The following TRIM44 variants were observed in gnomAD, a reference collection of about 807,000 sequenced individuals.
TRIM44 encodes tripartite motif containing 44.
In TRIM44, 13 loss-of-function variants were observed where a neutral mutation model predicts 37.4. The observed-to-expected ratio is 0.35, with a 90% CI of 0.23 to 0.55. The LOEUF (loss-of-function observed/expected upper bound fraction) is 0.55, where lower values mean the gene tolerates loss of function less well. TRIM44 is among the 20% of genes least tolerant of loss of function. The pLI is 0.89. For missense variants in TRIM44, 426 were observed against 437.2 expected (o/e 0.97, Z 0.23); for synonymous variants, 175 against 157.2 (o/e 1.11, Z -0.85).
rs1853544471 is a variant in TRIM44 at position 35,812,993 on chromosome 11, A to T, written c.*6608A>T. On this transcript the variant is annotated 3_prime_UTR_variant, in exon 5 of 5. Transcript: ENST00000299413. Reference sequence around the variant, plus strand: ...GAATCCTGAAAGTCAGCCAGCTCTGACACTGAGTCTGTGATTTAATTAAAC... The same window carrying T: ...GAATCCTGAAAGTCAGCCAGCTCTGTCACTGAGTCTGTGATTTAATTAAAC... 6.6e-6 allele frequency: 1 copy of T among 152,008 alleles called. No homozygotes were observed. Among genetic ancestry groups the T allele is most frequent in the Admixed American group, 6.5e-5 (1 of 15,272 alleles). The allele number at this position is 152,008 out of a possible 1,614,324, so 9.4% of individuals were successfully genotyped here.
At chr11:35,733,519 G>A (rs1294229639) in intron 3 of TRIM44, among the ~76,000 whole-genome samples, 4 of 152,026 alleles carry the variant, frequency 2.6e-5, no homozygotes, top group Admixed American at 6.6e-5. Context: ...ATAAAAATGC[G>A]AAGAAATTTT....
At chr11:35,736,995 G>A (rs187415090) in intron 4 of TRIM44, among the ~76,000 whole-genome samples, 5 of 152,246 alleles carry the variant, frequency 3.3e-5, no homozygotes, top group Admixed American at 1.3e-4. Flanking sequence ...TGGGAGAGGC[G>A]AACATGTAAC....
intron 2 of TRIM44, among the ~76,000 whole-genome samples, chr11:35,719,286 T>C (rs549949071): frequency 6.6e-6 from 1 of 152,312 alleles, no homozygotes; most frequent in South Asian, 2.1e-4. Context: ...AATAGGTGTG[T>C]ATGGAATCTC....
intron 2 of TRIM44, among the ~76,000 whole-genome samples, chr11:35,719,238 G>C (rs1482090036): frequency 6.6e-6 from 1 of 152,076 alleles, no homozygotes; most frequent in East Asian, 1.9e-4. Context: ...ATCTTTGCCA[G>C]CATTTGATCT....
intron 1 of TRIM44, among the ~76,000 whole-genome samples, chr11:35,668,764 G>C (rs879740898): frequency 5.3e-5 from 8 of 152,182 alleles, no homozygotes; most frequent in Non-Finnish European, 8.8e-5. Flanking sequence ...GTTTTACATA[G>C]TATTTTTGAC....
Position 35,785,441 on chromosome 11 carries a change from C to T in TRIM44, c.1008-20917C>T, listed in dbSNP as rs146833103. Among the ~76,000 whole-genome samples the T allele has an allele frequency of 1.5e-3, 229 of 152,322 alleles. 1 individual carries two copies. Among genetic ancestry groups the T allele is most frequent in the African/African-American group, 4.9e-3 (203 of 41,570 alleles). On this transcript the variant is annotated intron_variant, in intron 4 of 4. Transcript: ENST00000299413. ...ATAGAAGGTGCCTTCTGCAGCGTTG[C>T]CTTCAGGTTTCTGTGGACAGAGCAC... is the stretch of plus-strand genomic sequence containing the variant.
intron 1 of TRIM44, among the ~76,000 whole-genome samples, chr11:35,666,532 A>G (rs967539622): frequency 5.3e-5 from 8 of 152,118 alleles, no homozygotes; most frequent in Admixed American, 5.2e-4. Flanking sequence ...GTTAAGTTTT[A>G]TATTTTTTTC....
intron 1 of TRIM44, among the ~76,000 whole-genome samples, chr11:35,683,893 TATCACGAGGGAGACAGATAGTAA>T (rs1851546118): frequency 6.6e-6 from 1 of 151,946 alleles, no homozygotes; most frequent in South Asian, 2.1e-4. Flanking sequence ...GAACTGAAAA[TATCACGAGGGAGACAGATAGTAA>T]TAAAACTGTT....
At chr11:35,702,862 G>T (rs1345782779) in intron 2 of TRIM44, among the ~76,000 whole-genome samples, 4 of 152,222 alleles carry the variant, frequency 2.6e-5, no homozygotes, top group Non-Finnish European at 4.4e-5. Context: ...ATTTCCATCA[G>T]AAGTACCGGG....
chr11:35,752,501 C>T (rs1198859845), intron 4 of TRIM44, among the ~76,000 whole-genome samples: 1 of 151,662 alleles, frequency 6.6e-6, no homozygotes, highest in African/African-American at 2.4e-5. Flanking sequence ...CTCCCCCTCC[C>T]TCACCCCTCC....
intron 4 of TRIM44, among the ~76,000 whole-genome samples, chr11:35,742,198 C>T (rs559352630): frequency 1.3e-5 from 2 of 151,846 alleles, no homozygotes; most frequent in Admixed American, 6.6e-5. Flanking sequence ...CTGCTTCGGC[C>T]TCCCAAAGTG....
At chr11:35,764,616 G>A (rs985313637) in intron 4 of TRIM44, among the ~76,000 whole-genome samples, 8 of 152,060 alleles carry the variant, frequency 5.3e-5, no homozygotes, top group Admixed American at 1.3e-4. Flanking sequence ...GAACCCGTTC[G>A]GCATCACATC....
At chr11:35,725,418 C>G (rs1852162539) in intron 2 of TRIM44, among the ~76,000 whole-genome samples, 1 of 152,116 alleles carries the variant, frequency 6.6e-6, no homozygotes, top group Non-Finnish European at 1.5e-5. Flanking sequence ...ACTGCAACCT[C>G]CACCTTCTTG....
At chr11:35,776,743 G>A (rs1248113557) in intron 4 of TRIM44, among the ~76,000 whole-genome samples, 2 of 152,210 alleles carry the variant, frequency 1.3e-5, no homozygotes, top group Non-Finnish European at 2.9e-5. Flanking sequence ...AGGTTGTTCA[G>A]TTTCCATATA....
intron 4 of TRIM44, among the ~76,000 whole-genome samples, chr11:35,771,739 A>C (rs573053199): frequency 6.6e-6 from 1 of 152,152 alleles, no homozygotes; most frequent in Non-Finnish European, 1.5e-5. Flanking sequence ...AAGAAAAAAA[A>C]AAAAAAGCAT....
At position 35,694,637 on chromosome 11, in the gene TRIM44, GGGAAAAGC is replaced by G. The variant is rs560461450; in HGVS notation, c.747+9302_747+9309del. On this transcript the variant is annotated intron_variant, in intron 2 of 4. Coordinates refer to ENST00000299413, the MANE Select transcript of TRIM44 (RefSeq NM_017583.6). The stretch of plus-strand genomic sequence containing the variant: ...AGTAGAAGTCTTGATCTGTGATCAT[GGGAAAAGC>G]TGTTCACATCAAGGATGCCGTTTTC... 5.9e-5 allele frequency among the ~76,000 whole-genome samples: 9 copies of G among 152,070 alleles called. No homozygotes were observed. The East Asian group carries it at 1.7e-3, about 29-fold the overall frequency.
chr11:35,735,921 G>A (rs913787304), intron 4 of TRIM44, among the ~76,000 whole-genome samples: 1 of 151,588 alleles, frequency 6.6e-6, no homozygotes, highest in Non-Finnish European at 1.5e-5. Flanking sequence ...ACAAAACTTT[G>A]TTTAGGAAAA....
intron 2 of TRIM44, among the ~76,000 whole-genome samples, chr11:35,701,024 T>G (rs1304127282): frequency 6.6e-6 from 1 of 152,244 alleles, no homozygotes; most frequent in Non-Finnish European, 1.5e-5. Flanking sequence ...TTGAATTTTT[T>G]TTTAATTGGA....
Position 35,798,835 on chromosome 11 carries a change from A to AAAGAT in TRIM44, c.1008-7520_1008-7516dup, listed in dbSNP as rs553386956. 3.3e-4 allele frequency among the ~76,000 whole-genome samples: 50 copies of AAAGAT among 152,332 alleles called. No individual in the cohort carries two copies. In the East Asian group the frequency reaches 8.9e-3, roughly 27 times the overall value. On this transcript the variant is annotated intron_variant, in intron 4 of 4. Transcript: ENST00000299413. ...CTGTCAAGTATGAGCTGATTTTATA[A>AAAGAT]AAGATAACTTATTTTTATATATGTA...
Sources: allele counts gnomAD v4.1 joint callset (sites outside exome capture counted in the v4.1 genomes callset), GRCh38; gene constraint gnomAD v4.1.1; transcripts MANE v1.5; gene names NCBI Gene and HGNC (gene_info 2026-07-23, HGNC 2026-07-21).